GON4L: variants seen among roughly 807,000 people sequenced by gnomAD.
GON4L encodes the protein GON-4-like protein.
GON4L carries 87 observed loss-of-function variants against 211.8 expected under a neutral mutation model. The ratio of observed to expected loss-of-function variants is 0.41; its 90% CI spans 0.35 to 0.49. The LOEUF is 0.49. GON4L is among the 20% of genes least tolerant of loss of function. GON4L has a pLI of 0.15. For synonymous variants in GON4L, 875 were observed against 962.6 expected, an observed-to-expected ratio of 0.91 and a Z score of 1.68; for missense variants, 2,155 against 2,659.5, an observed-to-expected ratio of 0.81 and a Z score of 4.17.
Position 155,820,606 on chromosome 1 carries a change from C to T in GON4L, c.1014G>A (p.Val338=), listed in dbSNP as rs768375411. Residue 338 remains valine, a splice_region_variant and synonymous_variant, in exon 6 of 32, where the codon GTG becomes GTA. Transcript: ENST00000368331. ...AACAACAAAAAAACAGAATACTTAC[C>T]ACTCCTTTTTCCACTACTTCCTTCA... The part of the protein sequence containing the change: ...SKLKEVVEKG[V]VIPTWNISPI... The T allele has an allele frequency of 6.2e-7, 1 of 1,603,246 alleles. No homozygotes were observed. Among genetic ancestry groups the T allele is most frequent in the Non-Finnish European group, 8.5e-7 (1 of 1,170,394 alleles).
chr1:155,809,891 T>TATATAATTATAAATTATATAC lies in GON4L; in HGVS notation c.1452+3742_1452+3743insGTATATAATTTATAATTATAT, dbSNP rs1557885843. On this transcript the variant is annotated intron_variant, in intron 10 of 31. Coordinates refer to ENST00000368331, the MANE Select transcript of GON4L (RefSeq NM_001282860.2). ...TATATATAATTATAAATTATATACA[T>TATATAATTATAAATTATATAC]ATATATAATTATAAATTATATACAT... Among the ~76,000 whole-genome samples the TATATAATTATAAATTATATAC allele has an allele frequency of 4.8e-3, 10 of 2,092 alleles. 3 individuals carry two copies. The highest frequency in any genetic ancestry group is 9.9e-3 in the Non-Finnish European group (2 of 202). 1.4% of individuals were successfully genotyped at this position (2,092 alleles called of 152,430 possible). A position where few individuals can be genotyped will look rare whatever the true frequency, so the allele number is the denominator to read the frequency against.
chr1:155,751,807 T>C lies in GON4L; in HGVS notation c.6536A>G (p.Asn2179Ser), dbSNP rs596569. The C allele has an allele frequency of 8.9e-5, 144 of 1,612,872 alleles. No homozygotes were observed. The African/African-American group carries it at 1.1e-3, about 13-fold the overall frequency. Residue 2179 changes from asparagine to serine, a missense_variant, in exon 31 of 32, where the codon AAC becomes AGC. Physicochemically the swap from Asn to Ser is conservative, Grantham distance 46. Transcript: ENST00000368331. ...QEQGAQPQTF[N>S]IISQQLGNKT... ...ATTTCCCAGCTGCTGGGAGATGATG[T>C]TGAAGGTCTGTGGCTGTGCCCCTTG...
At chr1:155,796,556 G>A (rs1458000297) in intron 11 of GON4L, among the ~76,000 whole-genome samples, 1 of 152,122 alleles carries the variant, frequency 6.6e-6, no homozygotes, top group Non-Finnish European at 1.5e-5. Context: ...AGGATTACAG[G>A]AGTGAACCAC....
At position 155,758,043 on chromosome 1, in the gene GON4L, G is replaced by A; in HGVS notation, c.5110-9C>T. 2.7e-6 allele frequency: 1 copy of A among 364,194 alleles called. No individual in the cohort carries two copies. Among genetic ancestry groups the A allele is most frequent in the Non-Finnish European group, 4.8e-6 (1 of 207,180 alleles). The allele number at this position is 364,194 out of a possible 1,614,324, so 22.6% of individuals were successfully genotyped here. A position where few individuals can be genotyped will look rare whatever the true frequency, so the allele number is the denominator to read the frequency against. On this transcript the variant is annotated splice_polypyrimidine_tract_variant and intron_variant, in intron 24 of 31. Coordinates refer to ENST00000368331, the MANE Select transcript of GON4L (RefSeq NM_001282860.2). ...GCCTGCTGCTCCTCAAACTACCAGA[G>A]TGGAAAGTGGGCAAAAGAGGAGTCA... is the stretch of plus-strand genomic sequence containing the variant.
At position 155,827,001 on chromosome 1, in the gene GON4L, T is replaced by A; in HGVS notation, c.533A>T (p.Glu178Val). The change falls in exon 3 of 32, where the codon GAG becomes GTG. Residue 178 changes from glutamate (E) to valine (V), a missense_variant. Around this residue, in one of 6 missense-constraint regions of GON4L, gnomAD observed 313 missense variants for 293.2 expected, o/e 1.07. Transcript: ENST00000368331. The part of the protein sequence containing the change: ...GGKPQMNSEG[E>V]IPSLPSGSQS... ...GCTGCCTGATGGCAGGGAAGGTATCTCCCCTTCAGAATTCATTTGAGGTTT... is the reference window on the plus strand; with the variant it reads ...GCTGCCTGATGGCAGGGAAGGTATCACCCCTTCAGAATTCATTTGAGGTTT... 3 of 1,613,650 alleles carry A rather than the reference T, an allele frequency of 1.9e-6. No individual in the cohort carries two copies. Among genetic ancestry groups the A allele is most frequent in the Non-Finnish European group, 2.5e-6 (3 of 1,179,550 alleles).
Position 155,767,788 on chromosome 1 carries a change from T to C in GON4L, c.2647-247A>G, listed in dbSNP as rs1054566367. Among the ~76,000 whole-genome samples the C allele has an allele frequency of 2.0e-5, 3 of 152,316 alleles. No homozygotes were observed. In the South Asian group the frequency reaches 6.2e-4, roughly 32 times the overall value. On this transcript the variant is annotated intron_variant, in intron 19 of 31. Transcript: ENST00000368331. Reference sequence around the variant, plus strand: ...CAATTATTCAATATTTTCTAACTGATGATCTCCATTCTGGTTGCCAGGAAG... The same window carrying C: ...CAATTATTCAATATTTTCTAACTGACGATCTCCATTCTGGTTGCCAGGAAG...
chr1:155,813,936 G>C, intron 9 of GON4L, 132 bp from the exon 10 acceptor site: 1 of 730,100 alleles, frequency 1.4e-6, no homozygotes, highest in Non-Finnish European at 2.3e-6. Flanking sequence ...TCTCTAGTTA[G>C]AGTTACATAA....
intron 2 of GON4L, among the ~76,000 whole-genome samples, chr1:155,831,324 C>T (rs1181803046): frequency 2.0e-5 from 3 of 151,946 alleles, no homozygotes; most frequent in Admixed American, 6.6e-5. Context: ...TGGCTTCATG[C>T]CTGTAATTCC....
At chr1:155,846,088 A>G (rs1246882229) in intron 2 of GON4L, 1 of 227,296 alleles carries the variant, frequency 4.4e-6, no homozygotes, top group African/African-American at 2.3e-5. Context: ...TCATTAGCCT[A>G]TAGGAGTTTG....
chr1:155,764,426 ATTTTTTTTTTTTT>A (rs371568461), intron 21 of GON4L: 17 of 140,020 alleles, frequency 1.2e-4, no homozygotes, highest in South Asian at 1.8e-4. Context: ...GTTATTTACT[ATTTTTTTTTTTTT>A]TTTTTTTTTT....
intron 6 of GON4L, among the ~76,000 whole-genome samples, chr1:155,816,886 G>A (rs978845230): frequency 6.7e-6 from 1 of 148,582 alleles, no homozygotes; most frequent in African/African-American, 2.5e-5. Context: ...GAGATATAAA[G>A]CAAATATGGC....
At chr1:155,774,506 A>G (rs1334558489) in intron 17 of GON4L, among the ~76,000 whole-genome samples, 1 of 151,910 alleles carries the variant, frequency 6.6e-6, no homozygotes, top group Non-Finnish European at 1.5e-5. Context: ...ACGGGGTTTC[A>G]CTGTGTTCGC....
In GON4L at chr1:155,822,286, A is replaced by G; in HGVS notation, c.888T>C (p.His296=). 6.2e-7 allele frequency: 1 copy of G among 1,611,792 alleles called. No homozygotes were observed. The highest frequency in any genetic ancestry group is 8.5e-7 in the Non-Finnish European group (1 of 1,177,816). The change falls in exon 4 of 32, where the codon CAT becomes CAC. Residue 296 remains histidine (H), a splice_region_variant and synonymous_variant. Coordinates refer to ENST00000368331, the MANE Select transcript of GON4L (RefSeq NM_001282860.2). ...LTAVNVRNIL[H]EVITNEHVVA... ...ACATAACTGCCCCAGTCTTACTCAC[A>G]TGAAGGATGTTTCGGACATTGACTG...
chr1:155,818,225 G>A (rs901513400), intron 6 of GON4L, among the ~76,000 whole-genome samples: 6 of 151,818 alleles, frequency 4.0e-5, no homozygotes, highest in South Asian at 2.1e-4. Context: ...GAGTTCAAGC[G>A]ATCCTCTCGT....
rs1490449260 is a variant in GON4L at position 155,822,305 on chromosome 1, T to C, written c.869A>G (p.Asn290Ser). Residue 290 changes from asparagine (N) to serine (S), a missense_variant, in exon 4 of 32, where the codon AAT becomes AGT. Physicochemically the swap from Asn to Ser is conservative, Grantham distance 46. Around this residue, in one of 6 missense-constraint regions of GON4L, gnomAD observed 551 missense variants for 854.0 expected, o/e 0.65. Coordinates refer to ENST00000368331, the MANE Select transcript of GON4L (RefSeq NM_001282860.2). Reference sequence around the variant, plus strand: ...ACTCACATGAAGGATGTTTCGGACATTGACTGCTGTTAGATTGTGCTGCTT... The same window carrying C: ...ACTCACATGAAGGATGTTTCGGACACTGACTGCTGTTAGATTGTGCTGCTT... The part of the protein sequence containing the change: ...GAKQHNLTAV[N>S]VRNILHEVIT... 4 of 1,613,876 alleles carry C rather than the reference T, an allele frequency of 2.5e-6. No homozygotes were observed. The highest frequency in any genetic ancestry group is 2.2e-5 in the East Asian group (1 of 44,890).
intron 19 of GON4L, among the ~76,000 whole-genome samples, chr1:155,769,026 G>A (rs1040194287): frequency 7.2e-5 from 11 of 152,152 alleles, no homozygotes; most frequent in Admixed American, 6.5e-5. Flanking sequence ...GCCCAGGCTG[G>A]AGTGCAGGGG....
intron 10 of GON4L, 29 bp downstream of exon 10, chr1:155,813,605 T>A (rs1437893168): frequency 6.5e-7 from 1 of 1,545,382 alleles, no homozygotes; most frequent in East Asian, 2.2e-5. Context: ...CACTTGACTT[T>A]CTCAGTTAAG....
intron 2 of GON4L, among the ~76,000 whole-genome samples, chr1:155,852,930 T>C (rs822489): frequency 0.87 from 132,211 of 152,140 alleles, 58,781 homozygotes; most frequent in East Asian, 1. Context: ...TTGACCAACA[T>C]GGTGAAACCC....
chr1:155,820,742 G>A (rs1668655591), intron 5 of GON4L, 86 bp from the exon 6 acceptor site: 1 of 957,440 alleles, frequency 1.0e-6, no homozygotes, highest in African/African-American at 1.6e-5. Context: ...AGCACTTTAG[G>A]GGCCAAGGTG....
Sources: allele counts gnomAD v4.1 joint callset (sites outside exome capture counted in the v4.1 genomes callset), GRCh38; gene constraint gnomAD v4.1.1; regional missense constraint gnomAD v4.1.1; transcripts MANE v1.5; gene names NCBI Gene and HGNC (gene_info 2026-07-23, HGNC 2026-07-21).